SORCS1: variants seen among roughly 807,000 people sequenced by gnomAD.
SORCS1 encodes sortilin related VPS10 domain containing receptor 1, also known as VPS10 domain-containing receptor SorCS1.
A neutral mutation model predicts 146.1 loss-of-function variants in SORCS1; 60 were observed. The ratio of observed to expected loss-of-function variants is 0.41; its 90% CI spans 0.33 to 0.51. SORCS1 has a LOEUF of 0.51. Among genes scored for constraint, SORCS1 ranks in the 20% least tolerant of loss-of-function variants. The probability of loss-of-function intolerance (pLI) is 0.21; values close to 1 mark genes in which losing one functional copy is unlikely to be tolerated. For synonymous variants in SORCS1, 637 were observed against 584.0 expected (o/e 1.09, Z -1.31); for missense variants, 1,352 against 1,487.6 (o/e 0.91, Z 1.50).
At chr10:106,719,850 C>T (rs12245740) in intron 6 of SORCS1, among the ~76,000 whole-genome samples, 5,709 of 152,236 alleles carry the variant, frequency 0.038, 318 homozygotes, top group African/African-American at 0.12. Context: ...CACGTTTGCC[C>T]GCCCCTCTCT....
intron 1 of SORCS1, among the ~76,000 whole-genome samples, chr10:106,981,981 A>G (rs1956262421): frequency 6.6e-6 from 1 of 152,174 alleles, no homozygotes; most frequent in African/African-American, 2.4e-5. Flanking sequence ...ATTCAAACAT[A>G]TTGACTTTCA....
At chr10:106,926,956 A>G (rs1398898457) in intron 2 of SORCS1, among the ~76,000 whole-genome samples, 1 of 152,180 alleles carries the variant, frequency 6.6e-6, no homozygotes, top group Non-Finnish European at 1.5e-5. Flanking sequence ...TACTGGAGTG[A>G]AAAATAAATA....
intron 5 of SORCS1, 47 bp from the exon 6 acceptor site, chr10:106,730,161 C>T: frequency 1.3e-6 from 2 of 1,591,138 alleles, no homozygotes; most frequent in Non-Finnish European, 1.7e-6. Flanking sequence ...TTAATGACTT[C>T]ACATGTGCCT....
chr10:106,804,012 G>T (rs954363260), intron 3 of SORCS1, among the ~76,000 whole-genome samples: 2 of 152,120 alleles, frequency 1.3e-5, no homozygotes, highest in African/African-American at 2.4e-5. Flanking sequence ...AATTTGTGGG[G>T]ATAGCATCTG....
At chr10:106,827,612 T>C (rs1948358269) in intron 3 of SORCS1, among the ~76,000 whole-genome samples, 1 of 152,184 alleles carries the variant, frequency 6.6e-6, no homozygotes, top group African/African-American at 2.4e-5. Context: ...TAAAAATCGA[T>C]ACAAAGCCAA....
intron 3 of SORCS1, among the ~76,000 whole-genome samples, chr10:106,802,816 G>A (rs1005662784): frequency 6.6e-6 from 1 of 151,910 alleles, no homozygotes; most frequent in African/African-American, 2.4e-5. Flanking sequence ...TGTATTTTTA[G>A]TAGAGACAGG....
chr10:106,951,469 G>A (rs1323296389), intron 2 of SORCS1, among the ~76,000 whole-genome samples: 1 of 143,910 alleles, frequency 6.9e-6, no homozygotes, highest in Non-Finnish European at 1.5e-5. Flanking sequence ...CCGAGATCAC[G>A]CCACTGCACT....
chr10:106,938,291 T>C (rs1394134951), intron 2 of SORCS1, among the ~76,000 whole-genome samples: 5 of 152,210 alleles, frequency 3.3e-5, no homozygotes, highest in African/African-American at 1.2e-4. Context: ...CATTATACAC[T>C]GGCTTGGTAG....
At chr10:107,128,720 C>A (rs541326435) in intron 1 of SORCS1, among the ~76,000 whole-genome samples, 1 of 152,286 alleles carries the variant, frequency 6.6e-6, no homozygotes, top group East Asian at 1.9e-4. Flanking sequence ...ACCCCTTTAT[C>A]GTGGAGATGG....
At chr10:107,111,410 T>C (rs1965691771) in intron 1 of SORCS1, among the ~76,000 whole-genome samples, 1 of 152,154 alleles carries the variant, frequency 6.6e-6, no homozygotes, top group East Asian at 1.9e-4. Context: ...AGCTGAAGGA[T>C]AAAATGACAA....
intron 3 of SORCS1, among the ~76,000 whole-genome samples, chr10:106,798,105 T>G (rs1443705092): frequency 6.6e-6 from 1 of 152,128 alleles, no homozygotes; most frequent in Non-Finnish European, 1.5e-5. Flanking sequence ...ATGCTGTTCT[T>G]GTGATAGCGA....
chr10:106,706,600 G>A lies in SORCS1; in HGVS notation c.1178C>T (p.Ser393Phe). Residue 393 changes from serine (S) to phenylalanine (F), a missense_variant, in exon 8 of 26, where the codon TCC becomes TTC. Around this residue, in one of 3 missense-constraint regions of SORCS1, gnomAD observed 648 missense variants for 793.8 expected, o/e 0.82. Coordinates refer to ENST00000263054, the MANE Select transcript of SORCS1 (RefSeq NM_052918.5). ...TSGGRPHYYVSYRRNAFAQMK... is the reference protein window; with the variant it reads ...TSGGRPHYYVFYRRNAFAQMK... Reference sequence around the variant, plus strand: ...TTGGGCAAATGCATTCCTTCGGTAGGACACGTAGTAATGTGGCCGCCCTCC... The same window carrying A: ...TTGGGCAAATGCATTCCTTCGGTAGAACACGTAGTAATGTGGCCGCCCTCC... 1 of 1,614,130 alleles carries A rather than the reference G, an allele frequency of 6.2e-7. No individual in the cohort carries two copies. The highest frequency in any genetic ancestry group is 8.5e-7 in the Non-Finnish European group (1 of 1,180,006).
At chr10:107,021,694 T>C (rs1958152915) in intron 1 of SORCS1, among the ~76,000 whole-genome samples, 1 of 152,096 alleles carries the variant, frequency 6.6e-6, no homozygotes, top group African/African-American at 2.4e-5. Flanking sequence ...AATTCTATCA[T>C]TTCAAACTGT....
At position 106,688,268 on chromosome 10, in the gene SORCS1, T is replaced by C. The variant is rs150053424; in HGVS notation, c.1484A>G (p.Tyr495Cys). ...IDNQVKTFIT[Y>C]NKGRDWRLLQ... The stretch of plus-strand genomic sequence containing the variant: ...CAAACGCCAGTCTCTGCCTTTGTTA[T>C]ATGTGATGAAAGTCTTCACTTGGTT... Residue 495 changes from tyrosine to cysteine, a missense_variant, in exon 10 of 26, where the codon TAT becomes TGT. Physicochemically the swap from Tyr to Cys is radical, Grantham distance 194. This residue lies in a region of SORCS1 where 648 missense variants were observed against 793.8 expected (regional missense o/e 0.82). Coordinates refer to ENST00000263054, the MANE Select transcript of SORCS1 (RefSeq NM_052918.5). The C allele has an allele frequency of 2.4e-5, 38 of 1,613,962 alleles. No homozygotes were observed. Among genetic ancestry groups the C allele is most frequent in the Non-Finnish European group, 2.8e-5 (33 of 1,179,948 alleles).
At chr10:106,679,847 T>G in intron 10 of SORCS1, 113 bp from the exon 11 acceptor site, 1 of 762,664 alleles carries the variant, frequency 1.3e-6, no homozygotes, top group Non-Finnish European at 2.2e-6. Context: ...CATACATCCA[T>G]GCACCACTCC....
intron 2 of SORCS1, among the ~76,000 whole-genome samples, chr10:106,902,404 C>T (rs1476622015): frequency 6.6e-6 from 1 of 152,110 alleles, no homozygotes; most frequent in East Asian, 1.9e-4. Context: ...GAAATCACCA[C>T]ATGCCCATTA....
intron 2 of SORCS1, among the ~76,000 whole-genome samples, chr10:106,907,059 G>A (rs780871162): frequency 1.3e-5 from 2 of 152,170 alleles, no homozygotes; most frequent in Non-Finnish European, 2.9e-5. Context: ...CCAAGTGTGT[G>A]GGGAAACAGG....
chr10:107,032,201 C>T (rs537914500), intron 1 of SORCS1, among the ~76,000 whole-genome samples: 1 of 152,162 alleles, frequency 6.6e-6, no homozygotes, highest in South Asian at 2.1e-4. Flanking sequence ...ACACACATGT[C>T]CATTAGTAAG....
At chr10:106,936,776 G>A (rs1953743714) in intron 2 of SORCS1, among the ~76,000 whole-genome samples, 3 of 152,140 alleles carry the variant, frequency 2.0e-5, no homozygotes. Flanking sequence ...GACTGCTCTT[G>A]AATATAATGC....
Sources: gnomAD v4.1 joint callset for allele counts (sites outside exome capture counted in the v4.1 genomes callset) on GRCh38, gnomAD v4.1.1 for gene constraint, gnomAD v4.1.1 regional missense constraint, MANE v1.5 for transcripts, NCBI Gene and HGNC (gene_info 2026-07-23, HGNC 2026-07-21) for gene names.